SPATS2: variants seen among roughly 807,000 people sequenced by gnomAD.
The protein encoded by SPATS2 is spermatogenesis-associated serine-rich protein 2.
A neutral mutation model predicts 63.7 loss-of-function variants in SPATS2; 38 were observed. The observed-to-expected ratio is 0.60, with a 90% confidence interval of 0.46 to 0.78. SPATS2 has a LOEUF of 0.78. Among genes scored for constraint, SPATS2 ranks in the 30% least tolerant of loss-of-function variants. The pLI is 0.00. For synonymous variants in SPATS2, 207 were observed against 232.9 expected, an observed-to-expected ratio of 0.89 and a Z score of 1.01; for missense variants, 588 against 666.2, an observed-to-expected ratio of 0.88 and a Z score of 1.29.
chr12:49,526,047 G>A lies in SPATS2; in HGVS notation c.1430G>A (p.Arg477Lys), dbSNP rs370442688. 43 of 1,614,106 alleles carry A rather than the reference G, an allele frequency of 2.7e-5. No individual in the cohort carries two copies. The highest frequency in any genetic ancestry group is 3.6e-5 in the Non-Finnish European group (43 of 1,180,052). Residue 477 changes from arginine (R) to lysine (K), a missense_variant, in exon 14 of 14, where the codon AGA becomes AAA. By Grantham distance (26) the Arg-to-Lys change is conservative (BLOSUM62 2). Coordinates refer to ENST00000552918, the MANE Select transcript of SPATS2 (RefSeq NM_023071.4). ...CGGCATGACAGTATGGGTCGTTACA[G>A]AAACAGCTCGTGGTATTCATCTGGT... ...QGRHDSMGRY[R>K]NSSWYSSGSR...
At position 49,512,159 on chromosome 12, in the gene SPATS2, A is replaced by G. The variant is rs574082037; in HGVS notation, c.840-2396A>G. Among the ~76,000 whole-genome samples the G allele has an allele frequency of 1.4e-4, 22 of 152,324 alleles. No individual in the cohort carries two copies. In the South Asian group the frequency reaches 3.9e-3, roughly 27 times the overall value. On this transcript the variant is annotated intron_variant, in intron 9 of 13. Transcript: ENST00000552918. ...TCATTTTTGTATTTTAAAGATGTAA[A>G]AATTTTAATGGAGAATTATAAGTGC...
intron 2 of SPATS2, among the ~76,000 whole-genome samples, chr12:49,448,654 T>C (rs1945560046): frequency 7.0e-6 from 1 of 143,738 alleles, no homozygotes; most frequent in South Asian, 2.1e-4. Context: ...GGTGAGAGGA[T>C]CAGTGAAACA....
intron 2 of SPATS2, among the ~76,000 whole-genome samples, chr12:49,453,796 C>T (rs527743350): frequency 6.6e-6 from 1 of 151,666 alleles, no homozygotes; most frequent in Non-Finnish European, 1.5e-5. Context: ...CGGAGGAAGA[C>T]CCTGGCTCTA....
chr12:49,448,869 A>C (rs1945565344), intron 2 of SPATS2, among the ~76,000 whole-genome samples: 2 of 152,094 alleles, frequency 1.3e-5, no homozygotes, highest in African/African-American at 2.4e-5. Context: ...ATTTCTTATG[A>C]TCTATTATAA....
intron 2 of SPATS2, 48 bp downstream of exon 2, chr12:49,371,338 A>G (rs1284590735): frequency 6.6e-6 from 1 of 152,248 alleles, no homozygotes; most frequent in African/African-American, 2.4e-5. Flanking sequence ...GGTGTGTACC[A>G]CTTAGCATAT....
chr12:49,485,005 C>T (rs1422908629), intron 4 of SPATS2, among the ~76,000 whole-genome samples: 2 of 152,038 alleles, frequency 1.3e-5, no homozygotes, highest in African/African-American at 2.4e-5. Context: ...ATAGGATCTT[C>T]CCAAGTACTT....
chr12:49,439,424 C>G (rs1212513363), intron 2 of SPATS2, among the ~76,000 whole-genome samples: 1 of 152,108 alleles, frequency 6.6e-6, no homozygotes, highest in East Asian at 1.9e-4. Flanking sequence ...GCAGGGAACT[C>G]AGGAAGCTAT....
At chr12:49,501,834 G>T (rs1391361452) in intron 9 of SPATS2, among the ~76,000 whole-genome samples, 1 of 152,152 alleles carries the variant, frequency 6.6e-6, no homozygotes, top group Admixed American at 6.5e-5. Flanking sequence ...GGCCAGGCCG[G>T]TCTCGAACTC....
intron 3 of SPATS2, among the ~76,000 whole-genome samples, chr12:49,472,481 A>G (rs1243035220): frequency 6.6e-6 from 1 of 151,514 alleles, no homozygotes; most frequent in Non-Finnish European, 1.5e-5. Context: ...GGGAGAAGAA[A>G]CTTGGATTAT....
rs199756441 is a variant in SPATS2 at position 49,526,020 on chromosome 12, G to A, written c.1403G>A (p.Gly468Glu). 4.3e-6 allele frequency: 7 copies of A among 1,614,228 alleles called. No individual in the cohort carries two copies. Among genetic ancestry groups the A allele is most frequent in the Non-Finnish European group, 5.9e-6 (7 of 1,180,040 alleles). ...GQKSNDPMNQ[G>E]RHDSMGRYRN... ...AAGTCCAATGACCCCATGAACCAAG[G>A]GCGGCATGACAGTATGGGTCGTTAC... Residue 468 changes from glycine (G) to glutamate (E), a missense_variant, in exon 14 of 14, where the codon GGG becomes GAG. By Grantham distance (98) the Gly-to-Glu change is moderately conservative. Transcript: ENST00000552918.
chr12:49,511,040 A>G (rs1946744481), intron 9 of SPATS2, among the ~76,000 whole-genome samples: 1 of 152,190 alleles, frequency 6.6e-6, no homozygotes, highest in Non-Finnish European at 1.5e-5. Flanking sequence ...ATCTCTGCTA[A>G]AAATAGAAAA....
chr12:49,475,008 CAA>C (rs1033903080), intron 3 of SPATS2, among the ~76,000 whole-genome samples: 1 of 152,188 alleles, frequency 6.6e-6, no homozygotes, highest in African/African-American at 2.4e-5. Context: ...TTCACTGTCA[CAA>C]GAGCAGCACA....
rs80007054 is a variant in SPATS2, at chr12:49,416,036, T to A, written c.-243-44734T>A. Among the ~76,000 whole-genome samples, 1,502 of 151,444 alleles carry A rather than the reference T, an allele frequency of 9.9e-3. 20 individuals carry two copies. Among genetic ancestry groups the A allele is most frequent in the African/African-American group, 0.034 (1,415 of 41,124 alleles). On this transcript the variant is annotated intron_variant, in intron 2 of 13. Transcript: ENST00000552918. Reference sequence around the variant, plus strand: ...AACATTTTACTTTTTTTTTTTTTTTTAATGGCAGAACAAAAAAATCTACTC... The same window carrying A: ...AACATTTTACTTTTTTTTTTTTTTTAAATGGCAGAACAAAAAAATCTACTC...
At chr12:49,436,980 C>G (rs1323782798) in intron 2 of SPATS2, among the ~76,000 whole-genome samples, 1 of 151,560 alleles carries the variant, frequency 6.6e-6, no homozygotes, top group Admixed American at 6.6e-5. Context: ...ACCTCCATTC[C>G]GGACTGGGGC....
At chr12:49,436,615 C>T (rs1275358645) in intron 2 of SPATS2, among the ~76,000 whole-genome samples, 2 of 137,032 alleles carry the variant, frequency 1.5e-5, no homozygotes, top group African/African-American at 5.4e-5. Flanking sequence ...GGCTGACCCC[C>T]CCACCTCCCT....
chr12:49,486,666 G>C (rs1180815595), intron 4 of SPATS2, among the ~76,000 whole-genome samples: 1 of 151,540 alleles, frequency 6.6e-6, no homozygotes, highest in Admixed American at 6.6e-5. Flanking sequence ...TCCCTCTGTT[G>C]CCCAGGCTGG....
At position 49,490,691 on chromosome 12, in the gene SPATS2, G is replaced by A. The variant is rs760640602; in HGVS notation, c.224G>A (p.Ser75Asn). 1 of 1,613,978 alleles carries A rather than the reference G, an allele frequency of 6.2e-7. No homozygotes were observed. The highest frequency in any genetic ancestry group is 8.5e-7 in the Non-Finnish European group (1 of 1,179,934). ...TTGGTTTCTCTTACAGGTAGTGCCA[G>A]TGAAGTACTCAAAGAATGGACAGTA... ...TVQAFMEGSA[S>N]EVLKEWTVTG... Residue 75 changes from serine to asparagine, a missense_variant, in exon 6 of 14, where the codon AGT becomes AAT. Ser to Asn is a conservative substitution (Grantham distance 46, BLOSUM62 1). Transcript: ENST00000552918.
chr12:49,514,154 CAAAA>C (rs5798108), intron 9 of SPATS2, among the ~76,000 whole-genome samples: 2 of 117,638 alleles, frequency 1.7e-5, no homozygotes, highest in African/African-American at 2.8e-5. Flanking sequence ...GACTCCGTCT[CAAAA>C]AAAAAAAAAA....
At chr12:49,414,969 A>G (rs1944863066) in intron 2 of SPATS2, among the ~76,000 whole-genome samples, 1 of 120,478 alleles carries the variant, frequency 8.3e-6, no homozygotes, top group East Asian at 2.3e-4. Flanking sequence ...GACAGAGTTT[A>G]ACTCATGTTG....
Sources: allele counts gnomAD v4.1 joint callset (sites outside exome capture counted in the v4.1 genomes callset), GRCh38; gene constraint gnomAD v4.1.1; transcripts MANE v1.5; gene names NCBI Gene and HGNC (gene_info 2026-07-23, HGNC 2026-07-21).